Variants in TBC1D14 observed in about 807,000 individuals in gnomAD.
TBC1D14 encodes TBC1 domain family member 14, also known as TBC1 domain family, member 14.
TBC1D14 carries 26 observed loss-of-function variants against 79.0 expected under a neutral mutation model. The ratio of observed to expected loss-of-function variants is 0.33; its 90% CI spans 0.24 to 0.46. TBC1D14 has a LOEUF of 0.46. Among genes scored for constraint, TBC1D14 ranks in the 20% least tolerant of loss-of-function variants. The pLI is 1.00. For missense variants in TBC1D14, 769 were observed against 887.6 expected, an observed-to-expected ratio of 0.87 and a Z score of 1.70; for synonymous variants, 394 against 349.9, an observed-to-expected ratio of 1.13 and a Z score of -1.40.
At chr4:7,017,130 G>A (rs772865024) in intron 12 of TBC1D14, among the ~76,000 whole-genome samples, 20 of 152,094 alleles carry the variant, frequency 1.3e-4, no homozygotes, top group Non-Finnish European at 5.9e-5. Flanking sequence ...GCGAAACCCC[G>A]TCTCTACTAA....
At position 7,012,074 on chromosome 4, in the gene TBC1D14, G is replaced by A. The variant is rs1307173173; in HGVS notation, c.1647+1293G>A. On this transcript the variant is annotated intron_variant, in intron 11 of 13. Transcript: ENST00000409757. ...CCAGCACTTTGGGAGGCCGAGGAGGGCGGATCACGAGGTCAGGAGTAACAC... is the reference window on the plus strand; with the variant it reads ...CCAGCACTTTGGGAGGCCGAGGAGGACGGATCACGAGGTCAGGAGTAACAC... Among the ~76,000 whole-genome samples the A allele has an allele frequency of 2.6e-5, 4 of 151,882 alleles. 1 individual carries two copies. The highest frequency in any genetic ancestry group is 2.0e-4 in the Admixed American group (3 of 15,256).
chr4:6,914,535 C>T (rs1237530555), intron 1 of TBC1D14, among the ~76,000 whole-genome samples: 1 of 152,188 alleles, frequency 6.6e-6, no homozygotes, highest in African/African-American at 2.4e-5. Context: ...CAGGCTAGCC[C>T]GGCACAGCTC....
chr4:6,938,621 A>G (rs1712576352), intron 2 of TBC1D14, among the ~76,000 whole-genome samples: 1 of 152,070 alleles, frequency 6.6e-6, no homozygotes, highest in African/African-American at 2.4e-5. Flanking sequence ...ACGCCTTCTC[A>G]CTGCTTCTCT....
intron 2 of TBC1D14, among the ~76,000 whole-genome samples, chr4:6,924,986 G>A (rs1399270922): frequency 6.6e-6 from 1 of 152,152 alleles, no homozygotes; most frequent in African/African-American, 2.4e-5. Context: ...GGGCTGTGGA[G>A]AGTACGTGTA....
At chr4:7,028,873 C>G (rs575468895) in intron 13 of TBC1D14, among the ~76,000 whole-genome samples, 14 of 151,310 alleles carry the variant, frequency 9.3e-5, no homozygotes, top group African/African-American at 3.4e-4. Flanking sequence ...GTCTCACTCT[C>G]ATTGCCGAGA....
rs748819925 is a variant in TBC1D14 at position 6,923,452 on chromosome 4, T to C, written c.63T>C (p.Gly21=). ...NGVAFMGILD[G]RPGNPLQNLQ... ...TAGCCTTCATGGGTATTCTGGATGG[T>C]CGACCAGGAAACCCCCTTCAGAACC... Residue 21 remains glycine, a synonymous_variant, in exon 2 of 14, where the codon GGT becomes GGC. Coordinates refer to ENST00000409757, the MANE Select transcript of TBC1D14 (RefSeq NM_020773.3). 9.9e-6 allele frequency: 16 copies of C among 1,614,046 alleles called. No homozygotes were observed. The highest frequency in any genetic ancestry group is 1.4e-5 in the Non-Finnish European group (16 of 1,180,046).
chr4:6,922,463 T>C (rs1385961628), intron 1 of TBC1D14, among the ~76,000 whole-genome samples: 2 of 152,200 alleles, frequency 1.3e-5, no homozygotes, highest in Non-Finnish European at 2.9e-5. Context: ...CAGTGTGATC[T>C]TAGACCCGTT....
rs376984274 is a variant in TBC1D14 at position 7,006,636 on chromosome 4, T to C, written c.1356T>C (p.Ala452=). ...ATTTTTGGCATCTTTTGACAGATGC[T>C]GGTTTTTCAGCAGCAGACAGAGAAG... ...TGGSEVENED[A]GFSAADREAS... The change falls in exon 9 of 14, where the codon GCT becomes GCC. Residue 452 remains alanine (A), a synonymous_variant. Coordinates refer to ENST00000409757, the MANE Select transcript of TBC1D14 (RefSeq NM_020773.3). 3.7e-6 allele frequency: 6 copies of C among 1,613,756 alleles called. No homozygotes were observed. The African/African-American group carries it at 6.7e-5, about 18-fold the overall frequency.
intron 11 of TBC1D14, among the ~76,000 whole-genome samples, chr4:7,011,667 G>T (rs374084877): frequency 6.6e-6 from 1 of 151,654 alleles, no homozygotes; most frequent in South Asian, 2.1e-4. Flanking sequence ...AGCAATTATC[G>T]TGTCTCAGCC....
chr4:6,935,949 A>G (rs1209778307), intron 2 of TBC1D14, among the ~76,000 whole-genome samples: 1 of 152,146 alleles, frequency 6.6e-6, no homozygotes, highest in Admixed American at 6.6e-5. Context: ...CGGCCTGAAT[A>G]TAGATTTTTA....
At chr4:6,940,248 G>A (rs949435897) in intron 2 of TBC1D14, among the ~76,000 whole-genome samples, 13 of 152,354 alleles carry the variant, frequency 8.5e-5, no homozygotes, top group Non-Finnish European at 1.5e-4. Flanking sequence ...CCCGTTGGGC[G>A]GCTCAGATTA....
intron 2 of TBC1D14, among the ~76,000 whole-genome samples, chr4:6,936,838 TTTTG>T (rs1712380109): frequency 6.6e-6 from 1 of 152,224 alleles, no homozygotes; most frequent in Non-Finnish European, 1.5e-5. Flanking sequence ...TTTTGTTTTG[TTTTG>T]TTTTTGGTGA....
intron 2 of TBC1D14, 104 bp from the exon 3 acceptor site, chr4:6,967,200 G>C: frequency 7.0e-7 from 1 of 1,421,772 alleles, no homozygotes; most frequent in South Asian, 1.3e-5. Flanking sequence ...AAAGTACGTG[G>C]TTCTCAGAGG....
chr4:6,960,872 G>A (rs2109029779), intron 2 of TBC1D14, among the ~76,000 whole-genome samples: 1 of 152,306 alleles, frequency 6.6e-6, no homozygotes, highest in East Asian at 1.9e-4. Flanking sequence ...TGGTAACAGT[G>A]CGGAGGAGGC....
chr4:6,973,569 T>C (rs903457998), intron 3 of TBC1D14, among the ~76,000 whole-genome samples: 17 of 152,072 alleles, frequency 1.1e-4, no homozygotes, highest in African/African-American at 4.1e-4. Flanking sequence ...TATTTGAGAT[T>C]CTGGAAAGTA....
intron 2 of TBC1D14, among the ~76,000 whole-genome samples, chr4:6,926,911 C>A (rs1293429618): frequency 6.6e-6 from 1 of 152,246 alleles, no homozygotes; most frequent in South Asian, 2.1e-4. Context: ...TGTTTCCCCA[C>A]TTTGTCCCCT....
At position 6,985,292 on chromosome 4, in the gene TBC1D14, C is replaced by A. The variant is rs545489295; in HGVS notation, c.844-8892C>A. 1.4e-4 allele frequency among the ~76,000 whole-genome samples: 22 copies of A among 152,318 alleles called. 1 individual carries two copies. The highest frequency in any genetic ancestry group is 5.3e-4 in the African/African-American group (22 of 41,574). ...TTCTAATTTCCTCAGTTGTATCAAGCTGTTCTTTTTGAACCAGGATCCAGT... is the reference window on the plus strand; with the variant it reads ...TTCTAATTTCCTCAGTTGTATCAAGATGTTCTTTTTGAACCAGGATCCAGT... On this transcript the variant is annotated intron_variant, in intron 3 of 13. Coordinates refer to ENST00000409757, the MANE Select transcript of TBC1D14 (RefSeq NM_020773.3).
At chr4:6,953,933 C>A (rs1275868009) in intron 2 of TBC1D14, among the ~76,000 whole-genome samples, 2 of 151,486 alleles carry the variant, frequency 1.3e-5, no homozygotes, top group South Asian at 4.2e-4. Context: ...GTAGCCTGGA[C>A]GTGCTGTGTG....
At chr4:7,006,584 A>G (rs1438426106) in intron 8 of TBC1D14, 48 bp from the exon 9 acceptor site, 8 of 1,546,462 alleles carry the variant, frequency 5.2e-6, no homozygotes, top group Non-Finnish European at 5.3e-6. Context: ...TAATTGTCCT[A>G]CATTCGTGCC....
Sources: allele counts gnomAD v4.1 joint callset (sites outside exome capture counted in the v4.1 genomes callset), GRCh38; gene constraint gnomAD v4.1.1; transcripts MANE v1.5; gene names NCBI Gene and HGNC (gene_info 2026-07-23, HGNC 2026-07-21).